Variants in FOCAD observed in about 807,000 individuals in gnomAD.
FOCAD encodes KIAA1797.
In FOCAD, 198 loss-of-function variants were observed where a neutral mutation model predicts 225.6. That is an observed-to-expected ratio of 0.88 (90% confidence interval 0.78 to 0.99). FOCAD has a LOEUF of 0.99. FOCAD is among the 50% of genes least tolerant of loss of function. The probability of loss-of-function intolerance (pLI) is 0.00; values close to 1 mark genes in which losing one functional copy is unlikely to be tolerated. For synonymous variants in FOCAD, 897 were observed against 755.0 expected (o/e 1.19, Z -3.08); for missense variants, 2,713 against 2,123.6 (o/e 1.28, Z -5.46).
chr9:20,882,683 G>A (rs771484429), intron 20 of FOCAD, among the ~76,000 whole-genome samples: 4 of 152,246 alleles, frequency 2.6e-5, no homozygotes, highest in Non-Finnish European at 2.9e-5. Context: ...AAGCTGGTGA[G>A]GAGGTGGAGA....
intron 11 of FOCAD, among the ~76,000 whole-genome samples, chr9:20,798,650 A>G (rs894659609): frequency 1.3e-5 from 2 of 151,942 alleles, no homozygotes; most frequent in African/African-American, 4.8e-5. Flanking sequence ...TGTTTATAGT[A>G]TTCTCTGATG....
Position 20,780,376 on chromosome 9 carries a change from A to G in FOCAD, c.995-1351A>G, listed in dbSNP as rs151332022. Reference sequence around the variant, plus strand: ...AAGCTATGTTCTTATATTGTGGTTCATGTGTAAGAGAAAGATAATACAGTA... The same window carrying G: ...AAGCTATGTTCTTATATTGTGGTTCGTGTGTAAGAGAAAGATAATACAGTA... On this transcript the variant is annotated intron_variant, in intron 9 of 43. Coordinates refer to ENST00000338382, the MANE Select transcript of FOCAD (RefSeq NM_001375567.1). 4.5e-3 allele frequency among the ~76,000 whole-genome samples: 684 copies of G among 152,336 alleles called. 4 individuals carry two copies. The highest frequency in any genetic ancestry group is 0.016 in the African/African-American group (663 of 41,578).
intron 15 of FOCAD, among the ~76,000 whole-genome samples, chr9:20,849,893 G>C (rs1417161889): frequency 6.6e-6 from 1 of 151,734 alleles, no homozygotes; most frequent in Non-Finnish European, 1.5e-5. Flanking sequence ...ATTGCTCTCA[G>C]GTATAAAAAT....
chr9:20,926,820 C>G (rs1321388391), intron 26 of FOCAD, among the ~76,000 whole-genome samples: 2 of 150,850 alleles, frequency 1.3e-5, no homozygotes, highest in Non-Finnish European at 3.0e-5. Context: ...AAAAAGAAAT[C>G]CATTATATAG....
At chr9:20,950,935 C>G in intron 33 of FOCAD, 61 bp from the exon 34 acceptor site, 1 of 1,456,216 alleles carries the variant, frequency 6.9e-7, no homozygotes, top group Non-Finnish European at 9.6e-7. Context: ...TGTGAGTGAC[C>G]TTTTATTGAA....
chr9:20,949,905 G>A (rs1156475233), intron 33 of FOCAD, among the ~76,000 whole-genome samples: 3 of 151,978 alleles, frequency 2.0e-5, no homozygotes, highest in Non-Finnish European at 4.4e-5. Flanking sequence ...AACTTAAGTT[G>A]GCATTGGTTT....
chr9:20,929,980 T>C (rs981033749), intron 27 of FOCAD, among the ~76,000 whole-genome samples: 2 of 152,176 alleles, frequency 1.3e-5, no homozygotes, highest in Non-Finnish European at 2.9e-5. Context: ...GTTGATATCA[T>C]TGAAAATGAG....
intron 8 of FOCAD, among the ~76,000 whole-genome samples, chr9:20,773,057 G>A (rs563384021): frequency 6.6e-6 from 1 of 152,098 alleles, no homozygotes; most frequent in East Asian, 1.9e-4. Context: ...TAAATTGCCA[G>A]TTCTGTTAAC....
chr9:20,777,329 GTCTT>G (rs1191368517), intron 8 of FOCAD, among the ~76,000 whole-genome samples: 2 of 53,738 alleles, frequency 3.7e-5, no homozygotes, highest in Non-Finnish European at 7.9e-5. Flanking sequence ...TTTTTTGACT[GTCTT>G]TATTGTTCAT....
chr9:20,754,629 A>G (rs151086581), intron 5 of FOCAD, among the ~76,000 whole-genome samples: 420 of 152,054 alleles, frequency 2.8e-3, no homozygotes, highest in Non-Finnish European at 4.9e-3. Flanking sequence ...CATTTACTCA[A>G]TGGAGTGATT....
intron 4 of FOCAD, among the ~76,000 whole-genome samples, chr9:20,729,473 A>G (rs1222066319): frequency 6.6e-6 from 1 of 152,160 alleles, no homozygotes; most frequent in Non-Finnish European, 1.5e-5. Context: ...ACTTAATTTA[A>G]TTATATCTAC....
At chr9:20,726,278 C>G (rs998033607) in intron 4 of FOCAD, 1 of 152,110 alleles carries the variant, frequency 6.6e-6, no homozygotes, top group East Asian at 1.9e-4. Context: ...CTAGAAGGCT[C>G]ATGCAACCAT....
chr9:20,849,382 G>GT (rs926136972), intron 15 of FOCAD, among the ~76,000 whole-genome samples: 107 of 145,450 alleles, frequency 7.4e-4, no homozygotes, highest in Admixed American at 1.2e-3. Flanking sequence ...ACTTTTTCTG[G>GT]TTTTTTTTTT....
chr9:20,709,506 T>TA lies in FOCAD; in HGVS notation c.-32-5794dup, dbSNP rs33977101. 6.3e-3 allele frequency among the ~76,000 whole-genome samples: 806 copies of TA among 127,896 alleles called. 11 individuals carry two copies. The highest frequency in any genetic ancestry group is 0.021 in the African/African-American group (717 of 34,622). The allele number at this position is 127,896 out of a possible 152,430, so 83.9% of individuals were successfully genotyped here. On this transcript the variant is annotated intron_variant, in intron 1 of 43. Coordinates refer to ENST00000338382, the MANE Select transcript of FOCAD (RefSeq NM_001375567.1). Reference sequence around the variant, plus strand: ...ACAAAGTGAAACCGTCTCTGTCTCTTAAAAAAAAAAAAAAAAAAAAAAGTA... The same window carrying TA: ...ACAAAGTGAAACCGTCTCTGTCTCTTAAAAAAAAAAAAAAAAAAAAAAAGTA...
At chr9:20,769,766 CA>C (rs955610212) in intron 7 of FOCAD, among the ~76,000 whole-genome samples, 1 of 152,176 alleles carries the variant, frequency 6.6e-6, no homozygotes, top group African/African-American at 2.4e-5. Flanking sequence ...CATCTGCACT[CA>C]GACAAGCTAG....
intron 2 of FOCAD, among the ~76,000 whole-genome samples, chr9:20,671,064 T>G (rs1158291896): frequency 6.6e-6 from 1 of 152,244 alleles, no homozygotes; most frequent in Non-Finnish European, 1.5e-5. Flanking sequence ...TCTTATATTT[T>G]ATTACATTTC....
chr9:20,684,348 CGGGTCGCGCCGCCTGCG>C (rs1822528596), intron 1 of FOCAD, 55 bp downstream of exon 1: 1 of 152,520 alleles, frequency 6.6e-6, no homozygotes, highest in East Asian at 1.9e-4. Context: ...CGGGAGCCGC[CGGGTCGCGCCGCCTGCG>C]GCCCGGTCGG....
At chr9:20,824,043 G>A (rs918208135) in intron 15 of FOCAD, among the ~76,000 whole-genome samples, 8 of 152,028 alleles carry the variant, frequency 5.3e-5, no homozygotes, top group Non-Finnish European at 1.0e-4. Flanking sequence ...CATTTCAGCA[G>A]GCAGTGAACA....
chr9:20,971,978 T>G (rs949663719), intron 35 of FOCAD, among the ~76,000 whole-genome samples: 13 of 152,140 alleles, frequency 8.5e-5, no homozygotes, highest in Non-Finnish European at 1.8e-4. Context: ...ATACTGCATT[T>G]TGTTTATTCA....
Sources: allele counts gnomAD v4.1 joint callset (sites outside exome capture counted in the v4.1 genomes callset), GRCh38; gene constraint gnomAD v4.1.1; transcripts MANE v1.5; gene names NCBI Gene and HGNC (gene_info 2026-07-23, HGNC 2026-07-21).